PRELID2: variants seen among roughly 807,000 people sequenced by gnomAD.
The protein encoded by PRELID2 is PRELI domain containing 2.
In PRELID2, 25 loss-of-function variants were observed where a neutral mutation model predicts 28.4. The ratio of observed to expected loss-of-function variants is 0.88; its 90% CI spans 0.64 to 1.23. The LOEUF (loss-of-function observed/expected upper bound fraction) is 1.23, where lower values mean the gene tolerates loss of function less well. Ranked by LOEUF, PRELID2 falls within the 50% of genes most tolerant of loss-of-function variation. The pLI, the probability that PRELID2 is intolerant of heterozygous loss-of-function variation, is 0.00. For synonymous variants in PRELID2, 76 were observed against 71.6 expected (o/e 1.06, Z -0.31); for missense variants, 201 against 214.4 (o/e 0.94, Z 0.39).
chr5:145,500,360 T>C (rs1319491342), intron 1 of PRELID2, among the ~76,000 whole-genome samples: 1 of 152,094 alleles, frequency 6.6e-6, no homozygotes, highest in African/African-American at 2.4e-5. Context: ...CCTTCCACCG[T>C]GATTGTAAGT....
chr5:145,833,501 A>T (rs1260981413), intron 1 of PRELID2, among the ~76,000 whole-genome samples: 1 of 152,184 alleles, frequency 6.6e-6, no homozygotes, highest in African/African-American at 2.4e-5. Context: ...ACAGGTCTGT[A>T]AATCATTCTT....
Position 145,759,185 on chromosome 5 carries a change from T to C in PRELID2, c.*1351A>G, listed in dbSNP as rs1757357969. The C allele has an allele frequency of 6.6e-6, 1 of 151,948 alleles. No homozygotes were observed. The highest frequency in any genetic ancestry group is 1.5e-5 in the Non-Finnish European group (1 of 68,050). 9.4% of individuals were successfully genotyped at this position (151,948 alleles called of 1,614,324 possible). On this transcript the variant is annotated 3_prime_UTR_variant, in exon 7 of 7. Coordinates refer to ENST00000683046, the MANE Select transcript of PRELID2 (RefSeq NM_205846.3). ...CCAGCTAATTTTTTTGTATTTTTAG[T>C]AGAGACGGGGTTTCACCATATTGGC...
At chr5:145,765,606 G>A (rs1757699333) in intron 5 of PRELID2, among the ~76,000 whole-genome samples, 1 of 152,058 alleles carries the variant, frequency 6.6e-6, no homozygotes, top group Admixed American at 6.6e-5. Context: ...CCCTTAATTT[G>A]GGACAACTCT....
chr5:145,339,026 TA>T, the PRELID2 span, among the ~76,000 whole-genome samples: 1 of 152,212 alleles, frequency 6.6e-6, no homozygotes, highest in Non-Finnish European at 1.5e-5. Flanking sequence ...TATAAGGTTT[TA>T]AACAGGTTGG....
At chr5:145,730,282 A>C (rs912992232) in intron 1 of PRELID2, among the ~76,000 whole-genome samples, 2 of 152,116 alleles carry the variant, frequency 1.3e-5, no homozygotes, top group Non-Finnish European at 2.9e-5. Flanking sequence ...TTCTCCCAAC[A>C]CACTGGCCAA....
At chr5:145,743,050 A>G (rs986381571) in intron 1 of PRELID2, among the ~76,000 whole-genome samples, 2 of 152,106 alleles carry the variant, frequency 1.3e-5, no homozygotes, top group Admixed American at 6.6e-5. Flanking sequence ...CCTTTCAAGT[A>G]TTAAGAAAAT....
At chr5:145,538,364 A>T (rs7710921) in intron 1 of PRELID2, among the ~76,000 whole-genome samples, 38,515 of 151,642 alleles carry the variant, frequency 0.25, 7,652 homozygotes, top group African/African-American at 0.56. Context: ...TTATGATTTT[A>T]AAAAAATCTC....
the PRELID2 span, among the ~76,000 whole-genome samples, chr5:145,262,500 C>T: frequency 6.6e-6 from 1 of 152,010 alleles, no homozygotes; most frequent in Non-Finnish European, 1.5e-5. Flanking sequence ...TTAGCAGAAA[C>T]CCTACAAGCT....
chr5:145,579,503 C>T (rs1456073905), intron 1 of PRELID2, among the ~76,000 whole-genome samples: 2 of 152,016 alleles, frequency 1.3e-5, no homozygotes, highest in African/African-American at 2.4e-5. Context: ...TACTGTAAAG[C>T]CATGACAAGA....
chr5:145,708,144 C>T (rs964859332), intron 1 of PRELID2, among the ~76,000 whole-genome samples: 6 of 152,052 alleles, frequency 3.9e-5, no homozygotes, highest in African/African-American at 1.4e-4. Context: ...AGAACAGGCC[C>T]GCTCTTCCCC....
intron 4 of PRELID2, among the ~76,000 whole-genome samples, chr5:145,798,590 A>T (rs944028774): frequency 3.3e-5 from 5 of 152,216 alleles, no homozygotes; most frequent in African/African-American, 1.2e-4. Context: ...TTATTGCAGC[A>T]CTATTCACAA....
chr5:145,493,138 A>G (rs1171049544), intron 1 of PRELID2, among the ~76,000 whole-genome samples: 1 of 113,562 alleles, frequency 8.8e-6, no homozygotes, highest in African/African-American at 2.8e-5. Context: ...TTGTGAAGGT[A>G]TTTTCATATG....
At position 145,518,757 on chromosome 5, in the gene PRELID2, T is replaced by C. The variant is rs116120265; in HGVS notation, n.71-45442A>G. Among the ~76,000 whole-genome samples, 978 of 152,256 alleles carry C rather than the reference T, an allele frequency of 6.4e-3. 9 individuals carry two copies. Among genetic ancestry groups the C allele is most frequent in the South Asian group, 0.026 (123 of 4,822 alleles). ...AGATACCTGGCAATAGCTAAAGACA[T>C]TTTTGGTGTCTCAACTCAGGGAAGG... On this transcript the variant is annotated intron_variant and non_coding_transcript_variant, in intron 1 of 2. Coordinates refer to the PRELID2 transcript ENST00000510259.
chr5:145,268,456 C>T, the PRELID2 span, among the ~76,000 whole-genome samples: 5 of 152,012 alleles, frequency 3.3e-5, no homozygotes, highest in East Asian at 1.9e-4. Context: ...TCCTCCATGC[C>T]GCCTTCCTGG....
At chr5:145,809,538 C>T (rs957386384) in intron 4 of PRELID2, among the ~76,000 whole-genome samples, 4 of 151,912 alleles carry the variant, frequency 2.6e-5, no homozygotes, top group Non-Finnish European at 4.4e-5. Context: ...CCACCTTTCC[C>T]GGCCTCCCGT....
intron 1 of PRELID2, among the ~76,000 whole-genome samples, chr5:145,574,445 A>G (rs907983802): frequency 2.6e-5 from 4 of 152,036 alleles, no homozygotes; most frequent in Non-Finnish European, 2.9e-5. Flanking sequence ...AAACTAATAC[A>G]CCCTCCAAAC....
At chr5:145,445,730 G>A in the PRELID2 span, among the ~76,000 whole-genome samples, 3 of 98,804 alleles carry the variant, frequency 3.0e-5, no homozygotes, top group East Asian at 2.4e-4. Flanking sequence ...ATCTGAACAG[G>A]TGTCTCACAA....
intron 1 of PRELID2, chr5:145,729,093 T>C (rs1172295465): frequency 1.7e-6 from 1 of 592,088 alleles, no homozygotes; most frequent in Admixed American, 2.8e-5. Flanking sequence ...TTGCTTTCAC[T>C]TGGTCCCATT....
At chr5:145,369,304 T>G in the PRELID2 span, among the ~76,000 whole-genome samples, 1 of 152,034 alleles carries the variant, frequency 6.6e-6, no homozygotes, top group Non-Finnish European at 1.5e-5. Context: ...CCCTGGTGTG[T>G]GTTGTTTCCC....
Sources: allele counts gnomAD v4.1 joint callset (sites outside exome capture counted in the v4.1 genomes callset), GRCh38; gene constraint gnomAD v4.1.1; transcripts MANE v1.5; gene names NCBI Gene and HGNC (gene_info 2026-07-23, HGNC 2026-07-21).